Variants in MYT1 observed in about 807,000 individuals in gnomAD.
The protein encoded by MYT1 is myelin transcription factor 1, also known as myelin transcription factor I.
MYT1 carries 23 observed loss-of-function variants against 123.0 expected under a neutral mutation model. The ratio of observed to expected loss-of-function variants is 0.19; its 90% CI spans 0.13 to 0.26. The LOEUF (loss-of-function observed/expected upper bound fraction) is 0.26. Among genes scored for constraint, MYT1 ranks in the 10% least tolerant of loss-of-function variants. MYT1 has a pLI of 1.00. For missense variants in MYT1, 1,125 were observed against 1,472.5 expected, an observed-to-expected ratio of 0.76 and a Z score of 3.86; for synonymous variants, 518 against 575.3, an observed-to-expected ratio of 0.90 and a Z score of 1.43.
At chr20:64,216,273 C>T in intron 10 of MYT1, among the ~76,000 whole-genome samples, 1 of 152,274 alleles carries the variant, frequency 6.6e-6, no homozygotes, top group Admixed American at 6.5e-5. Flanking sequence ...CTTCTCTGAG[C>T]TGCCAGGTTC....
chr20:64,171,967 C>A (rs1466498145), intron 1 of MYT1, among the ~76,000 whole-genome samples: 1 of 152,206 alleles, frequency 6.6e-6, no homozygotes, highest in Non-Finnish European at 1.5e-5. Flanking sequence ...CCTGGAGAGC[C>A]CTCTGATGGC....
intron 1 of MYT1, among the ~76,000 whole-genome samples, chr20:64,181,502 G>C (rs1982650496): frequency 6.6e-6 from 1 of 152,142 alleles, no homozygotes; most frequent in East Asian, 1.9e-4. Flanking sequence ...CCAAGTTGGG[G>C]AGGATGGACA....
rs1982081621 is a variant in MYT1, at chr20:64,166,329, G to A, written c.-99+1590G>A. 6.6e-6 allele frequency among the ~76,000 whole-genome samples: 1 copy of A among 152,126 alleles called. No individual in the cohort carries two copies. The highest frequency in any genetic ancestry group is 2.4e-5 in the African/African-American group (1 of 41,426). On this transcript the variant is annotated intron_variant, in intron 1 of 22. Transcript: ENST00000328439. This position sits in a 1 kb window ranked among gnomAD's most constrained non-coding sequence, Gnocchi z 4.9. ...TTCAAAGAGAAGGAGGCAGTCTTAT[G>A]GATTCTTCTGTCCCGTAGAGACTGA...
rs1203348722 is a variant in MYT1 at position 64,208,011 on chromosome 20, A to G, written c.815A>G (p.Glu272Gly). ...GAGGAGGAGGAGGAAGAGGAGGAGG[A>G]GGAGGATGAAGAAGAGGAAGAGGAA... ...EEEEEEEEEE[E>G]EDEEEEEEEE... is the part of the protein sequence containing the mutation. The change falls in exon 7 of 23, where the codon GAG becomes GGG. Residue 272 changes from glutamate to glycine, a missense_variant. By Grantham distance (98) the Glu-to-Gly change is moderately conservative. Transcript: ENST00000328439. This position sits in a 1 kb window ranked among gnomAD's most constrained non-coding sequence, Gnocchi z 5.4. The G allele has an allele frequency of 6.3e-7, 1 of 1,598,328 alleles. No homozygotes were observed. The highest frequency in any genetic ancestry group is 1.3e-5 in the African/African-American group (1 of 74,280).
At chr20:64,224,470 C>T (rs1984108663) in intron 16 of MYT1, among the ~76,000 whole-genome samples, 1 of 152,218 alleles carries the variant, frequency 6.6e-6, no homozygotes, top group African/African-American at 2.4e-5. Context: ...GGTCTGGCCC[C>T]AGCAGCCAGG....
intron 1 of MYT1, among the ~76,000 whole-genome samples, chr20:64,176,651 A>G (rs1013984108): frequency 2.6e-5 from 4 of 152,220 alleles, no homozygotes; most frequent in Non-Finnish European, 4.4e-5. Flanking sequence ...CCAGAAGGAA[A>G]AGCTGTGTGT....
intron 6 of MYT1, among the ~76,000 whole-genome samples, chr20:64,206,850 T>A (rs1260796896): frequency 2.0e-5 from 3 of 152,228 alleles, no homozygotes; most frequent in Non-Finnish European, 4.4e-5. Context: ...CTGGCCCAGG[T>A]GTCCTTGCTG....
intron 16 of MYT1, among the ~76,000 whole-genome samples, chr20:64,225,963 C>T (rs1443610487): frequency 6.6e-6 from 1 of 152,226 alleles, no homozygotes; most frequent in African/African-American, 2.4e-5. Flanking sequence ...ATGCCACTCA[C>T]AGTCCAATGC....
intron 14 of MYT1, among the ~76,000 whole-genome samples, chr20:64,222,442 G>C (rs1354196292): frequency 6.6e-6 from 1 of 152,242 alleles, no homozygotes; most frequent in African/African-American, 2.4e-5. Flanking sequence ...CATGGCCAAG[G>C]CCTGGAATGT....
Position 64,191,131 on chromosome 20 carries a change from C to T in MYT1, c.-1+971C>T, listed in dbSNP as rs1266203143. ...CTTTTACCTGGCCAGGCTGAGAATCCCTACAGGATCTGACAGCAGAGATTG... is the reference window on the plus strand; with the variant it reads ...CTTTTACCTGGCCAGGCTGAGAATCTCTACAGGATCTGACAGCAGAGATTG... On this transcript the variant is annotated intron_variant, in intron 2 of 22. Transcript: ENST00000328439. This position sits in a 1 kb window ranked among gnomAD's most constrained non-coding sequence, Gnocchi z 4.1. Among the ~76,000 whole-genome samples the T allele has an allele frequency of 1.3e-5, 2 of 152,308 alleles. No individual in the cohort carries two copies. Among genetic ancestry groups the T allele is most frequent in the East Asian group, 3.9e-4 (2 of 5,190 alleles).
rs1984706617 is a variant in MYT1, at chr20:64,241,161, G to GC, written c.*714dup. The stretch of plus-strand genomic sequence containing the variant: ...TGGGTCACAGCTCCCTACTGGGGCT[G>GC]CAGCCTTTAGACCCTGGGTCTGGGA... On this transcript the variant is annotated 3_prime_UTR_variant, in exon 23 of 23. Coordinates refer to ENST00000328439, the MANE Select transcript of MYT1 (RefSeq NM_004535.3). This position sits in a 1 kb window ranked among gnomAD's most constrained non-coding sequence, Gnocchi z 4.2. 1.3e-5 allele frequency: 2 copies of GC among 152,206 alleles called. No homozygotes were observed. Among genetic ancestry groups the GC allele is most frequent in the Admixed American group, 6.5e-5 (1 of 15,280 alleles). 9.4% of individuals were successfully genotyped at this position (152,206 alleles called of 1,614,324 possible). A position where few individuals can be genotyped will look rare whatever the true frequency, so the allele number is the denominator to read the frequency against.
rs781358506 is a variant in MYT1 at position 64,232,314 on chromosome 20, A to T, written c.2826A>T (p.Glu942Asp). The T allele has an allele frequency of 1.2e-6, 2 of 1,613,054 alleles. No homozygotes were observed. Among genetic ancestry groups the T allele is most frequent in the Non-Finnish European group, 1.7e-6 (2 of 1,180,012 alleles). The stretch of plus-strand genomic sequence containing the variant: ...TCTCCTGGAAGTCCCTGAAGAATGA[A>T]GGACCGACCTGCCCCACCCCGGGCT... The part of the protein sequence containing the change: ...SSFSWKSLKN[E>D]GPTCPTPGCD... Residue 942 changes from glutamate to aspartate, a missense_variant, in exon 19 of 23, where the codon GAA becomes GAT. Glu to Asp is a conservative substitution (Grantham distance 45). This residue lies in a region of MYT1 where 243 missense variants were observed against 323.1 expected (regional missense o/e 0.75). Coordinates refer to ENST00000328439, the MANE Select transcript of MYT1 (RefSeq NM_004535.3). The surrounding 1 kb of genome is among the most constrained non-coding windows in gnomAD (Gnocchi z 6.9).
chr20:64,166,916 C>A lies in MYT1; in HGVS notation c.-99+2177C>A, dbSNP rs1383415355. Among the ~76,000 whole-genome samples the A allele has an allele frequency of 6.6e-6, 1 of 152,128 alleles. No individual in the cohort carries two copies. Among genetic ancestry groups the A allele is most frequent in the East Asian group, 1.9e-4 (1 of 5,188 alleles). ...GCTCTGGCAGCTGACCAACGGCAGC[C>A]TGGATGGTGGCTGGAGCTTGGCCTG... On this transcript the variant is annotated intron_variant, in intron 1 of 22. Coordinates refer to ENST00000328439, the MANE Select transcript of MYT1 (RefSeq NM_004535.3). The surrounding 1 kb of genome is among the most constrained non-coding windows in gnomAD (Gnocchi z 4.9).
Position 64,213,978 on chromosome 20 carries a change from T to A in MYT1, c.1631+331T>A, listed in dbSNP as rs1012945557. ...GTCTGATGTGACCACTTGAGGCCCC[T>A]TGGGGATTCATTTGTGGAGATGCTG... On this transcript the variant is annotated intron_variant, in intron 10 of 22. Transcript: ENST00000328439. The surrounding 1 kb of genome is among the most constrained non-coding windows in gnomAD (Gnocchi z 5.6). 2.0e-5 allele frequency among the ~76,000 whole-genome samples: 3 copies of A among 152,204 alleles called. No individual in the cohort carries two copies. The highest frequency in any genetic ancestry group is 7.2e-5 in the African/African-American group (3 of 41,446).
rs754659774 is a variant in MYT1 at position 64,213,582 on chromosome 20, T to C, written c.1566T>C (p.His522=). ...CCGCCGAAAAATTAGCCAAATCCCA[T>C]GAGAAGCAGCAGCCGCAGACAGGAG... ...IAAAEKLAKS[H]EKQQPQTGDP... Residue 522 remains histidine, a synonymous_variant, in exon 10 of 23, where the codon CAT becomes CAC. Coordinates refer to ENST00000328439, the MANE Select transcript of MYT1 (RefSeq NM_004535.3). This position sits in a 1 kb window ranked among gnomAD's most constrained non-coding sequence, Gnocchi z 5.6. The C allele has an allele frequency of 8.7e-6, 14 of 1,613,440 alleles. No individual in the cohort carries two copies. The highest frequency in any genetic ancestry group is 1.1e-5 in the Non-Finnish European group (13 of 1,179,470).
rs1359684399 is a variant in MYT1, at chr20:64,219,957, G to A, written c.2216G>A (p.Arg739His). 32 of 1,516,148 alleles carry A rather than the reference G, an allele frequency of 2.1e-5. No individual in the cohort carries two copies. Among genetic ancestry groups the A allele is most frequent in the South Asian group, 5.0e-5 (4 of 79,710 alleles). 93.9% of individuals were successfully genotyped at this position (1,516,148 alleles called of 1,614,324 possible). ...DRPLDYTKPS[R>H]LREEEPEESE... ...CCCCTGGACTACACCAAGCCTAGCC[G>A]CCTGAGAGAGGAGGAACCTGAGGAG... The change falls in exon 13 of 23, where the codon CGC (arginine) becomes CAC (histidine). Residue 739 changes from arginine to histidine, a missense_variant. This residue lies in a region of MYT1 where 429 missense variants were observed against 604.1 expected (regional missense o/e 0.71). Transcript: ENST00000328439.
At chr20:64,176,369 T>C (rs1202898225) in intron 1 of MYT1, among the ~76,000 whole-genome samples, 73 of 139,996 alleles carry the variant, frequency 5.2e-4, no homozygotes, top group African/African-American at 2.0e-3. Flanking sequence ...TGTGTCCATT[T>C]CCCCTCCCTG....
rs780670285 is a variant in MYT1, at chr20:64,199,951, C to T, written c.86+29C>T. The stretch of plus-strand genomic sequence containing the variant: ...AGGAAGTCTTCCTGTTAGCACCAAG[C>T]ATCGTCTATGTGCCTGTGACCCTGG... On this transcript the variant is annotated intron_variant, in intron 4 of 22. Coordinates refer to ENST00000328439, the MANE Select transcript of MYT1 (RefSeq NM_004535.3). 3.7e-6 allele frequency: 6 copies of T among 1,612,276 alleles called. No individual in the cohort carries two copies. In the Admixed American group the frequency reaches 1.0e-4, roughly 27 times the overall value.
At chr20:64,182,310 G>A (rs1982677331) in intron 1 of MYT1, among the ~76,000 whole-genome samples, 1 of 152,200 alleles carries the variant, frequency 6.6e-6, no homozygotes, top group South Asian at 2.1e-4. Flanking sequence ...CAGCCACGGT[G>A]TCCCAGGGCG....
Sources: allele counts gnomAD v4.1 joint callset (sites outside exome capture counted in the v4.1 genomes callset), GRCh38; gene constraint gnomAD v4.1.1; regional missense constraint gnomAD v4.1.1; non-coding constraint Gnocchi (gnomAD v3.1); transcripts MANE v1.5; gene names NCBI Gene and HGNC (gene_info 2026-07-23, HGNC 2026-07-21).